TLN2: variants seen among roughly 807,000 people sequenced by gnomAD.
TLN2 encodes talin 2.
A neutral mutation model predicts 294.7 loss-of-function variants in TLN2; 118 were observed. The ratio of observed to expected loss-of-function variants is 0.40; its 90% confidence interval spans 0.34 to 0.47. The LOEUF (loss-of-function observed/expected upper bound fraction) is 0.47. Among genes scored for constraint, TLN2 ranks in the 20% least tolerant of loss-of-function variants. The pLI is 0.84. For missense variants in TLN2, 3,083 were observed against 3,282.2 expected, an observed-to-expected ratio of 0.94 and a Z score of 1.48; for synonymous variants, 1,431 against 1,304.5, an observed-to-expected ratio of 1.10 and a Z score of -2.09.
intron 1 of TLN2, among the ~76,000 whole-genome samples, chr15:62,459,865 T>C (rs2036694510): frequency 6.6e-6 from 1 of 152,164 alleles, no homozygotes. Context: ...GATTGCTTTG[T>C]TACTCATGTA....
intron 29 of TLN2, among the ~76,000 whole-genome samples, chr15:62,737,700 A>G (rs1041035158): frequency 6.6e-6 from 1 of 152,252 alleles, no homozygotes; most frequent in African/African-American, 2.4e-5. Context: ...GGTTGTGCTC[A>G]GAGCACCCCA....
At chr15:62,467,823 A>G (rs1428577539) in intron 1 of TLN2, among the ~76,000 whole-genome samples, 1 of 152,234 alleles carries the variant, frequency 6.6e-6, no homozygotes, top group Non-Finnish European at 1.5e-5. Flanking sequence ...CCCTAGTGTC[A>G]GGTGGCCCAC....
At chr15:62,648,404 C>CAAAAAAA (rs66528062) in intron 4 of TLN2, among the ~76,000 whole-genome samples, 11 of 61,876 alleles carry the variant, frequency 1.8e-4, no homozygotes, top group Admixed American at 1.2e-3. Context: ...GACCCTGACT[C>CAAAAAAA]AAAAAAAAAA....
rs757850065 is a variant in TLN2 at position 62,673,846 on chromosome 15, A to G, written c.808A>G (p.Lys270Glu). Residue 270 changes from lysine to glutamate, a missense_variant, in exon 10 of 59, where the codon AAA (lysine) becomes GAA (glutamate). By Grantham distance (56) the Lys-to-Glu change is moderately conservative (BLOSUM62 1). Coordinates refer to ENST00000636159, the MANE Select transcript of TLN2 (RefSeq NM_015059.3). ...TCTTAGTCTGAAGGAATTCCTGCCC[A>G]AAGAATATATCAAGCAGAGAGGAGC... is the stretch of plus-strand genomic sequence containing the variant. ...GFLDLKEFLP[K>E]EYIKQRGAEK... 6.2e-7 allele frequency: 1 copy of G among 1,613,466 alleles called. No homozygotes were observed. Among genetic ancestry groups the G allele is most frequent in the Non-Finnish European group, 8.5e-7 (1 of 1,179,666 alleles).
intron 2 of TLN2, among the ~76,000 whole-genome samples, chr15:62,591,589 TA>T (rs909055996): frequency 6.6e-6 from 1 of 152,182 alleles, no homozygotes; most frequent in African/African-American, 2.4e-5. Context: ...CAGTTTTAAG[TA>T]ACCTGATGGA....
intron 1 of TLN2, among the ~76,000 whole-genome samples, chr15:62,468,208 C>A (rs1371672837): frequency 6.6e-6 from 1 of 152,028 alleles, no homozygotes; most frequent in Non-Finnish European, 1.5e-5. Flanking sequence ...ACCCTCAGAG[C>A]TTAAGCATTG....
intron 12 of TLN2, among the ~76,000 whole-genome samples, chr15:62,690,613 C>T (rs1338230030): frequency 2.0e-5 from 3 of 148,620 alleles, no homozygotes; most frequent in Non-Finnish European, 4.4e-5. Flanking sequence ...GACGGGGTGG[C>T]GGCCGGGCAG....
chr15:62,537,921 T>C (rs2041454990), intron 1 of TLN2, among the ~76,000 whole-genome samples: 1 of 152,166 alleles, frequency 6.6e-6, no homozygotes, highest in African/African-American at 2.4e-5. Context: ...CCTCCCACAC[T>C]GTTAAGAGCA....
At chr15:62,530,987 C>G (rs1388273238) in intron 1 of TLN2, among the ~76,000 whole-genome samples, 1 of 151,980 alleles carries the variant, frequency 6.6e-6, no homozygotes, top group Non-Finnish European at 1.5e-5. Context: ...TTGTTTTAGT[C>G]GTGAATAATT....
chr15:62,794,265 C>T (rs1462027409), intron 46 of TLN2, among the ~76,000 whole-genome samples: 1 of 152,190 alleles, frequency 6.6e-6, no homozygotes, highest in East Asian at 1.9e-4. Context: ...TCGTTCCTAG[C>T]AACTGGCCTT....
At chr15:62,552,210 TAGC>T (rs2042358887) in intron 1 of TLN2, among the ~76,000 whole-genome samples, 1 of 152,234 alleles carries the variant, frequency 6.6e-6, no homozygotes. Context: ...ATCACTGAGT[TAGC>T]AGAGACAAGA....
At chr15:62,633,855 G>C (rs2050140310) in intron 3 of TLN2, among the ~76,000 whole-genome samples, 1 of 152,168 alleles carries the variant, frequency 6.6e-6, no homozygotes, top group South Asian at 2.1e-4. Context: ...GGAAGTTCAA[G>C]GTCATGGTGT....
Position 62,797,269 on chromosome 15 carries a change from T to G in TLN2, c.6101T>G (p.Leu2034Arg). Residue 2034 changes from leucine to arginine, a missense_variant, in exon 48 of 59, where the codon CTT becomes CGT. Leu to Arg is a moderately radical substitution (Grantham distance 102, BLOSUM62 -2). Transcript: ENST00000636159. ...GCCTTGGTAGAAGACACGAAACTAC[T>G]TGTGTCAGGAGCTGCGTCCACTCCT... The part of the protein sequence containing the change: ...AKALVEDTKL[L>R]VSGAASTPDK... The G allele has an allele frequency of 1.2e-6, 2 of 1,613,906 alleles. No individual in the cohort carries two copies. The highest frequency in any genetic ancestry group is 1.7e-6 in the Non-Finnish European group (2 of 1,180,004).
Position 62,752,415 on chromosome 15 carries a change from G to C in TLN2, c.4320G>C (p.Glu1440Asp). The C allele has an allele frequency of 6.2e-7, 1 of 1,614,160 alleles. No homozygotes were observed. Among genetic ancestry groups the C allele is most frequent in the Non-Finnish European group, 8.5e-7 (1 of 1,180,016 alleles). ...IASKALCGLT[E>D]AAAQAAYLVG... The stretch of plus-strand genomic sequence containing the variant: ...CCAAGGCTCTCTGTGGGCTGACAGA[G>C]GCTGCAGCCCAGGTAAGGGGCTAGT... Residue 1440 changes from glutamate to aspartate, a missense_variant, in exon 35 of 59, where the codon GAG (glutamate) becomes GAC (aspartate). Physicochemically the swap from Glu to Asp is conservative, Grantham distance 45 (BLOSUM62 2). Transcript: ENST00000636159.
intron 2 of TLN2, among the ~76,000 whole-genome samples, chr15:62,604,767 G>A (rs2047294839): frequency 6.6e-6 from 1 of 151,208 alleles, no homozygotes; most frequent in East Asian, 1.9e-4. Flanking sequence ...ATGCGATAAG[G>A]GATTTATATT....
chr15:62,429,886 G>A (rs904905592), intron 1 of TLN2, among the ~76,000 whole-genome samples: 7 of 152,110 alleles, frequency 4.6e-5, no homozygotes, highest in South Asian at 2.1e-4. Context: ...GAGAACTGTC[G>A]TGTCCTTTCA....
At chr15:62,582,831 T>G (rs1336486689) in intron 1 of TLN2, among the ~76,000 whole-genome samples, 1 of 152,200 alleles carries the variant, frequency 6.6e-6, no homozygotes, top group African/African-American at 2.4e-5. Context: ...CTGGGAAGGC[T>G]GCCACGGTAG....
At chr15:62,424,080 C>T (rs944788553) in intron 1 of TLN2, among the ~76,000 whole-genome samples, 3 of 152,258 alleles carry the variant, frequency 2.0e-5, no homozygotes, top group African/African-American at 7.2e-5. Flanking sequence ...TGAAGCATCG[C>T]ATAAGTTCCT....
chr15:62,682,363 G>A (rs766304877), intron 11 of TLN2, among the ~76,000 whole-genome samples: 12 of 152,048 alleles, frequency 7.9e-5, no homozygotes, highest in Admixed American at 1.3e-4. Context: ...AAAATAAGCC[G>A]GATTTAGCAT....
Sources: allele counts gnomAD v4.1 joint callset (sites outside exome capture counted in the v4.1 genomes callset), GRCh38; gene constraint gnomAD v4.1.1; transcripts MANE v1.5; gene names NCBI Gene and HGNC (gene_info 2026-07-23, HGNC 2026-07-21).